Variants in DCP2 observed in about 807,000 individuals in gnomAD.
The protein encoded by DCP2 is decapping mRNA 2, also known as m7GpppN-mRNA hydrolase.
In DCP2, 30 loss-of-function variants were observed where a neutral mutation model predicts 56.1. The ratio of observed to expected loss-of-function variants is 0.53; its 90% CI spans 0.40 to 0.73. DCP2 has a LOEUF of 0.73. Among genes scored for constraint, DCP2 ranks in the 30% least tolerant of loss-of-function variants. The probability of loss-of-function intolerance (pLI) is 0.00; values close to 1 mark genes in which losing one functional copy is unlikely to be tolerated. For missense variants in DCP2, 533 were observed against 502.7 expected (o/e 1.06, Z -0.58); for synonymous variants, 197 against 163.3 (o/e 1.21, Z -1.57).
chr5:113,010,305 C>A (rs1441922219), intron 9 of DCP2, among the ~76,000 whole-genome samples: 3 of 151,674 alleles, frequency 2.0e-5, no homozygotes, highest in African/African-American at 7.3e-5. Flanking sequence ...TCTGGCTTCC[C>A]AAAGTGCTGG....
intron 8 of DCP2, among the ~76,000 whole-genome samples, chr5:113,007,065 G>T (rs1159286651): frequency 6.6e-6 from 1 of 152,092 alleles, no homozygotes; most frequent in Non-Finnish European, 1.5e-5. Flanking sequence ...TTGAACTTGG[G>T]AGGTGGAGGT....
intron 1 of DCP2, among the ~76,000 whole-genome samples, chr5:112,979,721 T>C (rs1358706019): frequency 6.6e-6 from 1 of 152,216 alleles, no homozygotes; most frequent in Non-Finnish European, 1.5e-5. Flanking sequence ...GGCTGATGCT[T>C]TAGTATGTAA....
At chr5:113,005,151 G>GGTGTGTGTGT (rs56389236) in intron 8 of DCP2, among the ~76,000 whole-genome samples, 3,729 of 149,506 alleles carry the variant, frequency 0.025, 64 homozygotes, top group African/African-American at 0.038. Flanking sequence ...TGTGCGTGTG[G>GGTGTGTGTGT]GTGTGTGTGT....
intron 7 of DCP2, among the ~76,000 whole-genome samples, chr5:113,003,595 A>C (rs544866568): frequency 2.0e-5 from 3 of 152,154 alleles, no homozygotes; most frequent in South Asian, 2.1e-4. Flanking sequence ...GAAAATGTAC[A>C]TTCGTTTCAT....
At position 113,008,030 on chromosome 5, in the gene DCP2, G is replaced by A. The variant is rs1373756189; in HGVS notation, c.1035G>A (p.Gln345=). Residue 345 remains glutamine (Q), a synonymous_variant, in exon 9 of 11, where the codon CAG becomes CAA. Transcript: ENST00000389063. ...RTNGLQPAKQ[Q]NSLMKCEKKL... ...ATGGGCTTCAGCCAGCAAAGCAGCA[G>A]AATTCTTTGATGGTAAGAGTTATAG... 1.2e-6 allele frequency: 2 copies of A among 1,613,696 alleles called. No individual in the cohort carries two copies.
rs115109985 is a variant in DCP2 at position 112,989,804 on chromosome 5, A to T, written c.206-2317A>T. Among the ~76,000 whole-genome samples the T allele has an allele frequency of 3.7e-3, 557 of 152,326 alleles. 4 individuals are homozygous for T. Among genetic ancestry groups the T allele is most frequent in the Non-Finnish European group, 5.9e-3 (398 of 68,028 alleles). On this transcript the variant is annotated intron_variant, in intron 2 of 10. Coordinates refer to ENST00000389063, the MANE Select transcript of DCP2 (RefSeq NM_152624.6). The stretch of plus-strand genomic sequence containing the variant: ...GTGAACAGTGAACTGGGGGAAGGCA[A>T]GATTGGATTCTGAGAATCCAGTTAA...
chr5:113,000,982 G>A (rs776535648), intron 4 of DCP2, 102 bp from the exon 5 acceptor site: 5 of 1,133,320 alleles, frequency 4.4e-6, no homozygotes, highest in Non-Finnish European at 6.2e-6. Flanking sequence ...GTAAATACAA[G>A]TCATGTCCCC....
chr5:113,008,110 A>G (rs1270458066), intron 9 of DCP2, 68 bp downstream of exon 9: 3 of 1,258,692 alleles, frequency 2.4e-6, no homozygotes, highest in Non-Finnish European at 3.4e-6. Context: ...GGGCATTGCC[A>G]AAGCACAGGA....
At chr5:113,013,234 A>G (rs1313450206) in intron 10 of DCP2, 87 bp from the exon 11 acceptor site, 1 of 1,376,516 alleles carries the variant, frequency 7.3e-7, no homozygotes. Context: ...ACTCAAAACT[A>G]ATTGTTTTGT....
chr5:112,980,538 G>A (rs1428841435), intron 1 of DCP2, among the ~76,000 whole-genome samples: 1 of 152,188 alleles, frequency 6.6e-6, no homozygotes, highest in East Asian at 1.9e-4. Flanking sequence ...TTTTATTTCA[G>A]CTATTACTAT....
intron 1 of DCP2, among the ~76,000 whole-genome samples, chr5:112,983,274 CT>C (rs1485661839): frequency 6.6e-6 from 1 of 152,182 alleles, no homozygotes; most frequent in East Asian, 1.9e-4. Flanking sequence ...AATAATTCCC[CT>C]CCCCTTCCCC....
Position 112,987,158 on chromosome 5 carries a change from C to T in DCP2, c.205+1172C>T, listed in dbSNP as rs534163878. 1.1e-4 allele frequency among the ~76,000 whole-genome samples: 16 copies of T among 152,056 alleles called. No individual in the cohort carries two copies. In the East Asian group the frequency reaches 3.1e-3, roughly 29 times the overall value. On this transcript the variant is annotated intron_variant, in intron 2 of 10. Coordinates refer to ENST00000389063, the MANE Select transcript of DCP2 (RefSeq NM_152624.6). ...CATAAGGCAAATAATTGAGTAATTG[C>T]TAATGGTCCTGATAGTACATGTTTC...
chr5:113,021,741 T>G lies in DCP2; in HGVS notation c.*8257T>G, dbSNP rs1056619108. 1.3e-5 allele frequency among the ~76,000 whole-genome samples: 2 copies of G among 152,188 alleles called. No individual in the cohort carries two copies. The highest frequency in any genetic ancestry group is 4.8e-5 in the African/African-American group (2 of 41,424). ...TTCCATAGTGAAAACTTGAGAACAT[T>G]GTAATCTTTCTCTAACAGATGTGTT... On this transcript the variant is annotated 3_prime_UTR_variant, in exon 11 of 11. Coordinates refer to ENST00000389063, the MANE Select transcript of DCP2 (RefSeq NM_152624.6).
At position 113,014,474 on chromosome 5, in the gene DCP2, A is replaced by C. The variant is rs146032501; in HGVS notation, c.*990A>C. The C allele has an allele frequency of 1.3e-5, 2 of 152,682 alleles. No individual in the cohort carries two copies. The highest frequency in any genetic ancestry group is 3.9e-4 in the East Asian group (2 of 5,188). The allele number at this position is 152,682 out of a possible 1,614,324, so 9.5% of individuals were successfully genotyped here. On this transcript the variant is annotated 3_prime_UTR_variant, in exon 11 of 11. Coordinates refer to ENST00000389063, the MANE Select transcript of DCP2 (RefSeq NM_152624.6). ...GACCTGCTAAGCCCCTGGATGATGG[A>C]GCGAGAAGGGAAGGGGTATGCAGTT...
At chr5:113,012,875 C>T (rs937919414) in intron 10 of DCP2, among the ~76,000 whole-genome samples, 1 of 152,114 alleles carries the variant, frequency 6.6e-6, no homozygotes, top group Non-Finnish European at 1.5e-5. Context: ...AACTCCTGAC[C>T]TTGTGATCTG....
chr5:112,988,042 C>A (rs1163703651), intron 2 of DCP2, among the ~76,000 whole-genome samples: 1 of 152,066 alleles, frequency 6.6e-6, no homozygotes, highest in African/African-American at 2.4e-5. Context: ...TTCTCAGCTA[C>A]CTATCACTTT....
Position 113,001,648 on chromosome 5 carries a change from G to C in DCP2, c.780G>C (p.Pro260=). 6.2e-7 allele frequency: 1 copy of C among 1,614,090 alleles called. No individual in the cohort carries two copies. ...DNGFSSTGST[P]AKPTVEKLSR... is the part of the protein sequence containing the mutation. ...GATTTTCCTCAACTGGTAGCACGCC[G>C]GCTAAACCCACTGTGGAAAAATTGA... Residue 260 remains proline, a synonymous_variant, in exon 7 of 11, where the codon CCG becomes CCC. Coordinates refer to ENST00000389063, the MANE Select transcript of DCP2 (RefSeq NM_152624.6).
intron 2 of DCP2, among the ~76,000 whole-genome samples, chr5:112,988,284 C>CA (rs1468840336): frequency 6.7e-6 from 1 of 149,886 alleles, no homozygotes; most frequent in African/African-American, 2.5e-5. Flanking sequence ...AGATCGAGAC[C>CA]ATCCTGGCCA....
intron 9 of DCP2, 99 bp from the exon 10 acceptor site, chr5:113,010,657 T>A: frequency 7.7e-7 from 1 of 1,297,144 alleles, no homozygotes; most frequent in Non-Finnish European, 1.0e-6. Flanking sequence ...TTTTTCTTCC[T>A]GAGAAATTTG....
Sources: allele counts gnomAD v4.1 joint callset (sites outside exome capture counted in the v4.1 genomes callset), GRCh38; gene constraint gnomAD v4.1.1; transcripts MANE v1.5; gene names NCBI Gene and HGNC (gene_info 2026-07-23, HGNC 2026-07-21).